Variants in EXT1 observed in about 807,000 individuals in gnomAD.
EXT1 encodes the protein exostosin-1.
In EXT1, 20 loss-of-function variants were observed where a neutral mutation model predicts 82.5. That is an observed-to-expected ratio of 0.24 (90% confidence interval 0.17 to 0.35). The LOEUF is 0.35. Ranked by LOEUF, EXT1 falls within the 10% of genes least tolerant of loss-of-function variation. EXT1 has a pLI of 1.00. For synonymous variants in EXT1, 348 were observed against 350.8 expected, an observed-to-expected ratio of 0.99 and a Z score of 0.09; for missense variants, 757 against 936.5, an observed-to-expected ratio of 0.81 and a Z score of 2.50.
intron 8 of EXT1, among the ~76,000 whole-genome samples, chr8:117,808,401 A>C (rs1403146086): frequency 2.6e-5 from 4 of 152,220 alleles, no homozygotes; most frequent in African/African-American, 4.8e-5. Flanking sequence ...CTAAGATATA[A>C]GTTCAAGTAA....
chr8:118,028,701 G>A (rs149174219), intron 1 of EXT1, among the ~76,000 whole-genome samples: 3 of 152,136 alleles, frequency 2.0e-5, no homozygotes, highest in Admixed American at 6.5e-5. Flanking sequence ...AGGCTGAGGC[G>A]GAAGGAGCAC....
At chr8:117,960,072 G>A (rs1814669718) in intron 1 of EXT1, among the ~76,000 whole-genome samples, 1 of 152,160 alleles carries the variant, frequency 6.6e-6, no homozygotes. Context: ...TTAGCCGGGT[G>A]TGGTGGCAGG....
At chr8:117,968,348 G>C (rs1024352260) in intron 1 of EXT1, among the ~76,000 whole-genome samples, 1 of 151,816 alleles carries the variant, frequency 6.6e-6, no homozygotes, top group Admixed American at 6.6e-5. Context: ...TTGAACTCCT[G>C]GGCTCAAGCA....
chr8:118,110,038 C>G, intron 1 of EXT1, 47 bp downstream of exon 1: 1 of 1,612,396 alleles, frequency 6.2e-7, no homozygotes, highest in South Asian at 1.1e-5. Flanking sequence ...CCAAGGCCGG[C>G]AGAGCCCAAG....
chr8:118,074,943 T>C (rs1817180483), intron 1 of EXT1, among the ~76,000 whole-genome samples: 1 of 152,218 alleles, frequency 6.6e-6, no homozygotes, highest in Non-Finnish European at 1.5e-5. Flanking sequence ...GAGCCGGCTG[T>C]GGGTTTTATT....
chr8:117,837,239 C>A, intron 1 of EXT1, 38 bp from the exon 2 acceptor site: 1 of 1,518,224 alleles, frequency 6.6e-7, no homozygotes, highest in Non-Finnish European at 9.1e-7. Context: ...AATGAAGACT[C>A]ATTGCGAATG....
At chr8:118,001,633 TTTATC>T (rs1468747224) in intron 1 of EXT1, among the ~76,000 whole-genome samples, 4 of 152,116 alleles carry the variant, frequency 2.6e-5, no homozygotes, top group Non-Finnish European at 4.4e-5. Context: ...TAAAATAATT[TTTATC>T]TTATTTATTA....
chr8:117,947,232 A>G (rs1037806164), intron 1 of EXT1, among the ~76,000 whole-genome samples: 3 of 152,186 alleles, frequency 2.0e-5, no homozygotes, highest in African/African-American at 7.2e-5. Context: ...TGTCTCTCCA[A>G]CTATGGCCAA....
chr8:117,846,447 C>T (rs1812363403), intron 1 of EXT1, among the ~76,000 whole-genome samples: 1 of 152,168 alleles, frequency 6.6e-6, no homozygotes, highest in Non-Finnish European at 1.5e-5. Context: ...ACTTCCAAAA[C>T]TCTTCTCAGA....
chr8:117,901,041 T>C lies in EXT1; in HGVS notation c.963-63840A>G, dbSNP rs150656757. Among the ~76,000 whole-genome samples the C allele has an allele frequency of 1.8e-3, 272 of 152,338 alleles. 1 individual carries two copies. The highest frequency in any genetic ancestry group is 6.2e-3 in the African/African-American group (257 of 41,578). On this transcript the variant is annotated intron_variant, in intron 1 of 10. Coordinates refer to ENST00000378204, the MANE Select transcript of EXT1 (RefSeq NM_000127.3). The stretch of plus-strand genomic sequence containing the variant: ...GTAAAAAGTTCCAGTAAAGCCAGCT[T>C]TCTGGTCTGCAAGAAATGAGATCTA...
intron 1 of EXT1, among the ~76,000 whole-genome samples, chr8:117,979,379 C>CAAACAAACAAACAAA (rs1043635252): frequency 1.7e-5 from 2 of 116,134 alleles, no homozygotes; most frequent in East Asian, 5.0e-4. Flanking sequence ...AACAAACAAA[C>CAAACAAACAAACAAA]AAAAAAACAA....
At chr8:117,858,800 C>CAGGAAGGAAGGAAGG (rs1316230964) in intron 1 of EXT1, among the ~76,000 whole-genome samples, 8 of 71,766 alleles carry the variant, frequency 1.1e-4, no homozygotes, top group African/African-American at 5.4e-4. Context: ...CAAGGCAAGG[C>CAGGAAGGAAGGAAGG]AAGGCAAGGC....
At chr8:118,083,654 T>C (rs1248901730) in intron 1 of EXT1, among the ~76,000 whole-genome samples, 1 of 152,152 alleles carries the variant, frequency 6.6e-6, no homozygotes, top group East Asian at 1.9e-4. Flanking sequence ...CCCCAGGACA[T>C]AGTAAGAAGC....
At chr8:117,929,461 C>T (rs139979269) in intron 1 of EXT1, among the ~76,000 whole-genome samples, 1 of 152,318 alleles carries the variant, frequency 6.6e-6, no homozygotes, top group African/African-American at 2.4e-5. Context: ...CCGTCCGTTG[C>T]CATGCTCACA....
intron 1 of EXT1, among the ~76,000 whole-genome samples, chr8:118,105,928 A>T (rs1332895868): frequency 6.6e-6 from 1 of 152,232 alleles, no homozygotes; most frequent in Non-Finnish European, 1.5e-5. Flanking sequence ...CTGTAAGTGC[A>T]TGTAATTCAA....
chr8:118,001,025 T>C (rs530862497), intron 1 of EXT1, among the ~76,000 whole-genome samples: 122 of 152,356 alleles, frequency 8.0e-4, no homozygotes, highest in African/African-American at 2.8e-3. Context: ...ACTTCATTCA[T>C]AAAACACGTA....
rs2129710509 is a variant in EXT1 at position 117,809,683 on chromosome 8, C to T, written c.1723-2306G>A. Among the ~76,000 whole-genome samples the T allele has an allele frequency of 2.0e-5, 3 of 150,940 alleles. No homozygotes were observed. In the Middle Eastern group the frequency reaches 0.01, roughly 524 times the overall value. On this transcript the variant is annotated intron_variant, in intron 8 of 10. Coordinates refer to ENST00000378204, the MANE Select transcript of EXT1 (RefSeq NM_000127.3). Reference sequence around the variant, plus strand: ...CGGGGAAAAAACCCGGGTGGTGGAACCGACATTAAGAAAGCTTGGTAGGGA... The same window carrying T: ...CGGGGAAAAAACCCGGGTGGTGGAATCGACATTAAGAAAGCTTGGTAGGGA...
At chr8:117,929,452 C>A (rs940920199) in intron 1 of EXT1, among the ~76,000 whole-genome samples, 1 of 152,200 alleles carries the variant, frequency 6.6e-6, no homozygotes, top group East Asian at 1.9e-4. Context: ...AGACATCATC[C>A]GTCCGTTGCC....
chr8:118,090,362 G>A (rs1817500106), intron 1 of EXT1, among the ~76,000 whole-genome samples: 1 of 152,078 alleles, frequency 6.6e-6, no homozygotes, highest in Admixed American at 6.6e-5. Context: ...CAAGGCTGCA[G>A]TGAGCCATGA....
Sources: allele counts gnomAD v4.1 joint callset (sites outside exome capture counted in the v4.1 genomes callset), GRCh38; gene constraint gnomAD v4.1.1; transcripts MANE v1.5; gene names NCBI Gene and HGNC (gene_info 2026-07-23, HGNC 2026-07-21).